Variants in EPHA3 observed in about 807,000 individuals in gnomAD.
EPHA3 encodes ephrin type-A receptor 3.
Under a neutral mutation model 107.1 loss-of-function variants are expected in EPHA3, and 42 were observed. The observed-to-expected ratio is 0.39, with a 90% CI of 0.31 to 0.51. The LOEUF (loss-of-function observed/expected upper bound fraction) is 0.51, where lower values mean the gene tolerates loss of function less well. Ranked by LOEUF, EPHA3 falls within the 20% of genes least tolerant of loss-of-function variation. The pLI is 0.78. For synonymous variants in EPHA3, 461 were observed against 424.8 expected (o/e 1.09, Z -1.05); for missense variants, 1,183 against 1,211.2 (o/e 0.98, Z 0.35).
intron 15 of EPHA3, among the ~76,000 whole-genome samples, chr3:89,452,262 G>A (rs1710008417): frequency 6.6e-6 from 1 of 152,036 alleles, no homozygotes; most frequent in Non-Finnish European, 1.5e-5. Context: ...TCTATTTTTA[G>A]TTTTTTGTGG....
intron 2 of EPHA3, 72 bp from the exon 3 acceptor site, chr3:89,209,788 C>T: frequency 7.7e-7 from 1 of 1,297,934 alleles, no homozygotes; most frequent in Non-Finnish European, 1.1e-6. Flanking sequence ...AGAGATGGCT[C>T]TGACACCCTT....
intron 5 of EPHA3, among the ~76,000 whole-genome samples, chr3:89,390,530 G>A (rs942355009): frequency 8.7e-5 from 13 of 150,140 alleles, no homozygotes; most frequent in Non-Finnish European, 1.6e-4. Context: ...AACCCGGGAG[G>A]CAAAGGTTGC....
At chr3:89,276,104 G>T (rs549440357) in intron 3 of EPHA3, among the ~76,000 whole-genome samples, 5 of 152,094 alleles carry the variant, frequency 3.3e-5, no homozygotes, top group South Asian at 2.1e-4. Context: ...TAAAATAGAT[G>T]CTCTCAAGGA....
At chr3:89,278,300 G>T (rs532050481) in intron 3 of EPHA3, among the ~76,000 whole-genome samples, 1 of 152,234 alleles carries the variant, frequency 6.6e-6, no homozygotes, top group South Asian at 2.1e-4. Flanking sequence ...TTGCCACAAG[G>T]GTAGCTAGAA....
intron 1 of EPHA3, among the ~76,000 whole-genome samples, chr3:89,117,616 C>G (rs1274739530): frequency 3.9e-5 from 6 of 151,914 alleles, no homozygotes; most frequent in Non-Finnish European, 8.8e-5. Flanking sequence ...GTTATATCAC[C>G]AACAGTATTG....
intron 2 of EPHA3, among the ~76,000 whole-genome samples, chr3:89,176,462 ACTC>A (rs1227894462): frequency 7.0e-6 from 1 of 143,032 alleles, no homozygotes; most frequent in African/African-American, 2.7e-5. Context: ...GCGCCACTCT[ACTC>A]CACCCTGGGT....
rs1559661413 is a variant in EPHA3, at chr3:89,355,166, G to A, written c.1306+13076G>A. On this transcript the variant is annotated intron_variant, in intron 5 of 16. Coordinates refer to ENST00000336596, the MANE Select transcript of EPHA3 (RefSeq NM_005233.6). The stretch of plus-strand genomic sequence containing the variant: ...GGTCACAAGTTTTTCCTAGGAAATA[G>A]CTTTAAAGGCAAGGCCATGTGCCTG... Among the ~76,000 whole-genome samples the A allele has an allele frequency of 2.7e-5, 4 of 150,718 alleles. 1 individual carries two copies. Among genetic ancestry groups the A allele is most frequent in the Non-Finnish European group, 5.9e-5 (4 of 67,460 alleles).
intron 7 of EPHA3, among the ~76,000 whole-genome samples, chr3:89,406,626 T>G (rs993359234): frequency 2.0e-4 from 31 of 152,318 alleles, no homozygotes; most frequent in African/African-American, 7.5e-4. Context: ...ATCTCATTCT[T>G]TTGACTTTTT....
At chr3:89,385,933 G>A (rs900488608) in intron 5 of EPHA3, among the ~76,000 whole-genome samples, 3 of 152,176 alleles carry the variant, frequency 2.0e-5, no homozygotes, top group Non-Finnish European at 4.4e-5. Context: ...ATGGAGATGA[G>A]GAACTTGTTG....
rs1359082818 is a variant in EPHA3, at chr3:89,219,686, ATGTTTTTTTTTTTTTTGTTTTT to A, written c.814+9183_814+9204del. Among the ~76,000 whole-genome samples the A allele has an allele frequency of 3.9e-4, 15 of 38,854 alleles. 2 individuals carry two copies. In the East Asian group the frequency reaches 6.2e-3, roughly 16 times the overall value. 25.5% of individuals were successfully genotyped at this position (38,854 alleles called of 152,430 possible). A position where few individuals can be genotyped will look rare whatever the true frequency, so the allele number is the denominator to read the frequency against. ...TGTTACCTCCAAGAGGCATTTGGCA[ATGTTTTTTTTTTTTTTGTTTTT>A]TGTTTTTTTTTTTTTTTTGAGACGG... On this transcript the variant is annotated intron_variant, in intron 3 of 16. Coordinates refer to ENST00000336596, the MANE Select transcript of EPHA3 (RefSeq NM_005233.6).
intron 2 of EPHA3, among the ~76,000 whole-genome samples, chr3:89,176,078 T>A (rs1173480477): frequency 6.6e-6 from 1 of 152,210 alleles, no homozygotes; most frequent in East Asian, 1.9e-4. Context: ...ATTTTCCCAT[T>A]TCATTTCTCA....
At chr3:89,360,369 G>A (rs1445556016) in intron 5 of EPHA3, among the ~76,000 whole-genome samples, 1 of 150,902 alleles carries the variant, frequency 6.6e-6, no homozygotes, top group Non-Finnish European at 1.5e-5. Context: ...GAGTAAACTT[G>A]GAGCACTATG....
At chr3:89,220,003 A>G (rs1405374970) in intron 3 of EPHA3, among the ~76,000 whole-genome samples, 3 of 151,840 alleles carry the variant, frequency 2.0e-5, no homozygotes, top group Admixed American at 6.6e-5. Context: ...CCACCGGGCA[A>G]TGTTTAAAAA....
chr3:89,300,504 G>T (rs1350944345), intron 3 of EPHA3, among the ~76,000 whole-genome samples: 4 of 151,718 alleles, frequency 2.6e-5, no homozygotes, highest in Non-Finnish European at 5.9e-5. Context: ...TAAGCAGAGA[G>T]AAAATGGGGG....
intron 1 of EPHA3, among the ~76,000 whole-genome samples, chr3:89,122,622 G>T (rs1355657076): frequency 4.6e-5 from 7 of 152,154 alleles, no homozygotes; most frequent in African/African-American, 1.4e-4. Flanking sequence ...TTCAAGGTGT[G>T]AATATTAGTT....
chr3:89,297,675 A>C (rs1293181225), intron 3 of EPHA3, among the ~76,000 whole-genome samples: 4 of 152,200 alleles, frequency 2.6e-5, no homozygotes, highest in African/African-American at 7.2e-5. Context: ...TATTTGATGC[A>C]AGGTTGCCAC....
Position 89,479,903 on chromosome 3 carries a change from A to G in EPHA3, c.*401A>G, listed in dbSNP as rs188207366. ...AAAGACTTGTAATATTTTTATATACAGAGGAAATCTGTAACAGGTATTTTG... is the reference window on the plus strand; with the variant it reads ...AAAGACTTGTAATATTTTTATATACGGAGGAAATCTGTAACAGGTATTTTG... On this transcript the variant is annotated 3_prime_UTR_variant, in exon 17 of 17. Coordinates refer to ENST00000336596, the MANE Select transcript of EPHA3 (RefSeq NM_005233.6). 8.2e-3 allele frequency: 2,004 copies of G among 243,002 alleles called. 24 individuals carry two copies. Among genetic ancestry groups the G allele is most frequent in the Non-Finnish European group, 9.1e-3 (1,134 of 123,972 alleles). 15.1% of individuals were successfully genotyped at this position (243,002 alleles called of 1,614,324 possible).
At position 89,480,780 on chromosome 3, in the gene EPHA3, GTAT is replaced by G. The variant is rs1710606949; in HGVS notation, c.*1285_*1287del. Reference sequence around the variant, plus strand: ...TAAACATTGTGATCATTAGTACCAGGTATTATTATCTTTAAGAGTCTTCCACTT... The same window carrying G: ...TAAACATTGTGATCATTAGTACCAGGTATTATCTTTAAGAGTCTTCCACTT... On this transcript the variant is annotated 3_prime_UTR_variant, in exon 17 of 17. Transcript: ENST00000336596. 1 of 232,364 alleles carries G rather than the reference GTAT, an allele frequency of 4.3e-6. No individual in the cohort carries two copies. Among genetic ancestry groups the G allele is most frequent in the Non-Finnish European group, 8.5e-6 (1 of 117,332 alleles). 14.4% of individuals were successfully genotyped at this position (232,364 alleles called of 1,614,324 possible).
rs147100768 is a variant in EPHA3 at position 89,191,043 on chromosome 3, AT to A, written c.154-18813del. ...ATATGTTTAAACGTTTACCCATTTC[AT>A]TTTATTCTTTTTATTGGAAATATTA... On this transcript the variant is annotated intron_variant, in intron 2 of 16. Transcript: ENST00000336596. Among the ~76,000 whole-genome samples the A allele has an allele frequency of 2.4e-3, 360 of 152,176 alleles. 1 individual carries two copies. Among genetic ancestry groups the A allele is most frequent in the African/African-American group, 7.8e-3 (323 of 41,512 alleles).
Sources: allele counts gnomAD v4.1 joint callset (sites outside exome capture counted in the v4.1 genomes callset), GRCh38; gene constraint gnomAD v4.1.1; transcripts MANE v1.5; gene names NCBI Gene and HGNC (gene_info 2026-07-23, HGNC 2026-07-21).